The following CYFIP2 variants were observed in gnomAD, a reference collection of about 807,000 sequenced individuals.
The protein encoded by CYFIP2 is cytoplasmic FMR1-interacting protein 2.
In CYFIP2, 29 loss-of-function variants were observed where a neutral mutation model predicts 158.7. The observed-to-expected ratio is 0.18, with a 90% CI of 0.14 to 0.25. The LOEUF (loss-of-function observed/expected upper bound fraction) is 0.25. Among genes scored for constraint, CYFIP2 ranks in the 10% least tolerant of loss-of-function variants. The pLI, the probability that CYFIP2 is intolerant of heterozygous loss-of-function variation, is 1.00. For synonymous variants in CYFIP2, 585 were observed against 617.6 expected (o/e 0.95, Z 0.78); for missense variants, 852 against 1,639.5 (o/e 0.52, Z 8.29).
intron 28 of CYFIP2, chr5:157,384,639 G>T (rs1054958423): frequency 2.5e-6 from 1 of 401,352 alleles, no homozygotes; most frequent in Non-Finnish European, 5.1e-6. Flanking sequence ...TGAAAATGGT[G>T]ATTAAAAGCT....
At chr5:157,290,501 A>C (rs1299773013) in intron 3 of CYFIP2, among the ~76,000 whole-genome samples, 1 of 152,160 alleles carries the variant, frequency 6.6e-6, no homozygotes, top group Non-Finnish European at 1.5e-5. Flanking sequence ...AATCCAGAAC[A>C]ACCACCACCA....
At chr5:157,316,290 T>C (rs978794066) in intron 13 of CYFIP2, among the ~76,000 whole-genome samples, 6 of 152,178 alleles carry the variant, frequency 3.9e-5, no homozygotes, top group African/African-American at 1.4e-4. Flanking sequence ...TAAAGAAATA[T>C]GTAATATGTC....
intron 26 of CYFIP2, among the ~76,000 whole-genome samples, chr5:157,379,242 CTA>C (rs1295278922): frequency 6.6e-6 from 1 of 152,082 alleles, no homozygotes. Context: ...CTTGTCATAT[CTA>C]TATGATTATA....
Position 157,341,119 on chromosome 5 carries a change from C to T in CYFIP2, c.2635C>T (p.Pro879Ser). ...PFTQEPQRDKPANVQPYYLYG... is the reference protein window; with the variant it reads ...PFTQEPQRDKSANVQPYYLYG... ...CACCCAAGAACCACAACGAGACAAA[C>T]CTGCCAACGTCCAGCCTTATTACCT... Residue 879 changes from proline (P) to serine (S), a missense_variant, in exon 23 of 31, where the codon CCT (proline) becomes TCT (serine). By Grantham distance (74) the Pro-to-Ser change is moderately conservative. Around this residue, in one of 8 missense-constraint regions of CYFIP2, gnomAD observed 191 missense variants for 311.2 expected, o/e 0.61. Coordinates refer to ENST00000620254, the MANE Select transcript of CYFIP2 (RefSeq NM_001037333.3). The T allele has an allele frequency of 6.2e-7, 1 of 1,613,986 alleles. No homozygotes were observed. Among genetic ancestry groups the T allele is most frequent in the Non-Finnish European group, 8.5e-7 (1 of 1,179,874 alleles).
At chr5:157,378,720 C>T (rs1765727103) in intron 26 of CYFIP2, among the ~76,000 whole-genome samples, 1 of 152,164 alleles carries the variant, frequency 6.6e-6, no homozygotes. Context: ...TGAGCCCTAT[C>T]TCACAGGGCT....
intron 23 of CYFIP2, among the ~76,000 whole-genome samples, chr5:157,346,605 C>T (rs925364507): frequency 1.3e-5 from 2 of 152,120 alleles, no homozygotes; most frequent in African/African-American, 4.8e-5. Context: ...GGGCATGGTT[C>T]TGCGAGAGCC....
chr5:157,376,746 C>T, intron 26 of CYFIP2: 1 of 319,788 alleles, frequency 3.1e-6, no homozygotes, highest in South Asian at 2.3e-5. Context: ...GAAGCACCCA[C>T]TTATGCAAAC....
chr5:157,322,168 A>G (rs11134686), intron 15 of CYFIP2, among the ~76,000 whole-genome samples: 48,760 of 151,856 alleles, frequency 0.32, 8,638 homozygotes, highest in African/African-American at 0.48. Flanking sequence ...CAGAGCTGGG[A>G]GCGCTATTAG....
intron 1 of CYFIP2, among the ~76,000 whole-genome samples, chr5:157,284,643 TC>T (rs1757234345): frequency 6.6e-6 from 1 of 152,218 alleles, no homozygotes; most frequent in African/African-American, 2.4e-5. Context: ...CTCTTCAGCT[TC>T]TAATCCTGCC....
chr5:157,320,002 C>T, intron 14 of CYFIP2, 74 bp downstream of exon 14: 1 of 1,555,152 alleles, frequency 6.4e-7, no homozygotes, highest in Non-Finnish European at 8.7e-7. Flanking sequence ...GATGTCCTGG[C>T]TCAGCCACTG....
chr5:157,384,634 A>C lies in CYFIP2; in HGVS notation c.3207+1275A>C, dbSNP rs115436594. 9.3e-4 allele frequency: 376 copies of C among 405,256 alleles called. 1 individual carries two copies. Among genetic ancestry groups the C allele is most frequent in the African/African-American group, 7.3e-3 (352 of 48,408 alleles). The allele number at this position is 405,256 out of a possible 1,614,324, so 25.1% of individuals were successfully genotyped here. ...GCATGCCACCAACCTCCTTCTGAAA[A>C]TGGTGATTAAAAGCTAATCATGGGG... On this transcript the variant is annotated intron_variant, in intron 28 of 30. Transcript: ENST00000620254.
At position 157,302,842 on chromosome 5, in the gene CYFIP2, G is replaced by A. The variant is rs772792487; in HGVS notation, c.618G>A (p.Glu206=). The A allele has an allele frequency of 8.2e-6, 13 of 1,587,998 alleles. No homozygotes were observed. The highest frequency in any genetic ancestry group is 1.0e-5 in the Non-Finnish European group (12 of 1,166,884). ...RKMADPQSIQ[E]SQNLSMFLAN... ...TGGCAGATCCCCAGTCTATCCAGGA[G>A]TCGCAGAACCTTTCCATGTTCCTGG... is the stretch of plus-strand genomic sequence containing the variant. Residue 206 remains glutamate (E), a synonymous_variant, in exon 7 of 31, where the codon GAG becomes GAA. Coordinates refer to ENST00000620254, the MANE Select transcript of CYFIP2 (RefSeq NM_001037333.3).
intron 16 of CYFIP2, 143 bp downstream of exon 16, chr5:157,324,217 T>C: frequency 3.0e-6 from 3 of 1,011,158 alleles, no homozygotes; most frequent in Non-Finnish European, 4.1e-6. Flanking sequence ...AAAAAACACA[T>C]ACACTTTCCA....
rs527799474 is a variant in CYFIP2, at chr5:157,311,043, A to C, written c.993-621A>C. 2.5e-5 allele frequency: 11 copies of C among 441,982 alleles called. No homozygotes were observed. Among genetic ancestry groups the C allele is most frequent in the Middle Eastern group, 3.3e-4 (1 of 3,014 alleles). 27.4% of individuals were successfully genotyped at this position (441,982 alleles called of 1,614,324 possible). ...CATCTTTTCACAAGGCGTGGAAAAA[A>C]GGCGGAGGGAAGGAGGAAAGAGGGT... On this transcript the variant is annotated intron_variant, in intron 10 of 30. Coordinates refer to ENST00000620254, the MANE Select transcript of CYFIP2 (RefSeq NM_001037333.3). This position sits in a 1 kb window ranked among gnomAD's most constrained non-coding sequence, Gnocchi z 4.7.
chr5:157,287,249 T>A (rs1757465422), intron 3 of CYFIP2, 141 bp downstream of exon 3: 3 of 623,656 alleles, frequency 4.8e-6, no homozygotes. Context: ...TTAAGCCCAC[T>A]CTTACATTCT....
chr5:157,382,214 C>T (rs3822690), intron 26 of CYFIP2, among the ~76,000 whole-genome samples: 2 of 151,816 alleles, frequency 1.3e-5, no homozygotes, highest in Non-Finnish European at 2.9e-5. Flanking sequence ...ACAGACCTCA[C>T]AACCAAAAAG....
intron 6 of CYFIP2, among the ~76,000 whole-genome samples, chr5:157,301,244 C>T (rs1483499970): frequency 2.0e-5 from 3 of 152,218 alleles, no homozygotes; most frequent in Non-Finnish European, 4.4e-5. Context: ...CTGCAAGAAT[C>T]ATAAAGCCAA....
chr5:157,346,001 T>C (rs1762660945), intron 23 of CYFIP2, among the ~76,000 whole-genome samples: 1 of 152,190 alleles, frequency 6.6e-6, no homozygotes, highest in Admixed American at 6.5e-5. Context: ...AGCAGTAATA[T>C]TCATCTTCAT....
intron 30 of CYFIP2, among the ~76,000 whole-genome samples, chr5:157,392,153 C>CT (rs1238638150): frequency 6.6e-6 from 1 of 152,068 alleles, no homozygotes; most frequent in Non-Finnish European, 1.5e-5. Context: ...CTAGATATTA[C>CT]TTATCAGATA....
Sources: allele counts gnomAD v4.1 joint callset (sites outside exome capture counted in the v4.1 genomes callset), GRCh38; gene constraint gnomAD v4.1.1; regional missense constraint gnomAD v4.1.1; non-coding constraint Gnocchi (gnomAD v3.1); transcripts MANE v1.5; gene names NCBI Gene and HGNC (gene_info 2026-07-23, HGNC 2026-07-21).